The following YIPF2 variants were observed in gnomAD, a reference collection of about 807,000 sequenced individuals.
YIPF2 encodes the protein Yip1 domain family member 2, also known as protein YIPF2.
Under a neutral mutation model 38.8 loss-of-function variants are expected in YIPF2, and 30 were observed. That is an observed-to-expected ratio of 0.77 (90% CI 0.58 to 1.05). YIPF2 has a LOEUF of 1.05. Among genes scored for constraint, YIPF2 ranks in the 50% least tolerant of loss-of-function variants. YIPF2 has a pLI of 0.00. For missense variants in YIPF2, 401 were observed against 409.7 expected, an observed-to-expected ratio of 0.98 and a Z score of 0.18; for synonymous variants, 194 against 183.8, an observed-to-expected ratio of 1.06 and a Z score of -0.45.
In YIPF2 at chr19:10,925,050, G is replaced by A. The variant is rs117873976; in HGVS notation, c.367+636C>T. On this transcript the variant is annotated intron_variant, in intron 5 of 9. Coordinates refer to ENST00000586748, the MANE Select transcript of YIPF2 (RefSeq NM_001321439.2). The stretch of plus-strand genomic sequence containing the variant: ...AGTTTGAGACCAGCCTGGCTAACAC[G>A]GTGAAACTCCGTCCCTAATAAAAAT... Among the ~76,000 whole-genome samples the A allele has an allele frequency of 7.6e-4, 115 of 152,120 alleles. 2 individuals carry two copies. The East Asian group carries it at 0.02, about 27-fold the overall frequency.
intron 4 of YIPF2, among the ~76,000 whole-genome samples, chr19:10,927,296 G>A (rs1012117582): frequency 5.9e-5 from 9 of 152,154 alleles, no homozygotes; most frequent in Admixed American, 2.6e-4. Flanking sequence ...GAGCCACTGC[G>A]CCCAGTCCAT....
chr19:10,926,448 G>T (rs527817724), intron 4 of YIPF2, among the ~76,000 whole-genome samples: 1 of 149,466 alleles, frequency 6.7e-6, no homozygotes, highest in South Asian at 2.1e-4. Context: ...GGATGGTCTC[G>T]ATCTCCTGAC....
chr19:10,928,382 T>C lies in YIPF2; in HGVS notation c.29A>G (p.His10Arg). 1 of 1,335,988 alleles carries C rather than the reference T, an allele frequency of 7.5e-7. No homozygotes were observed. Among genetic ancestry groups the C allele is most frequent in the Non-Finnish European group, 9.6e-7 (1 of 1,038,654 alleles). 82.8% of individuals were successfully genotyped at this position (1,335,988 alleles called of 1,614,324 possible). A position where few individuals can be genotyped will look rare whatever the true frequency, so the allele number is the denominator to read the frequency against. MASADELTFHEFEEATNLLA... is the reference protein window; with the variant it reads MASADELTFREFEEATNLLA... Reference sequence around the variant, plus strand: ...GGCCACGTCGGGGCCGCACTCACCATGGAAGGTCAGCTCGTCGGCCGATGC... The same window carrying C: ...GGCCACGTCGGGGCCGCACTCACCACGGAAGGTCAGCTCGTCGGCCGATGC... Residue 10 changes from histidine to arginine, a missense_variant and splice_region_variant, in exon 2 of 10, where the codon CAT (histidine) becomes CGT (arginine). His to Arg is a conservative substitution (Grantham distance 29). Transcript: ENST00000586748.
At position 10,925,943 on chromosome 19, in the gene YIPF2, C is replaced by G. The variant is rs369196529; in HGVS notation, c.280-170G>C. On this transcript the variant is annotated intron_variant, in intron 4 of 9. Transcript: ENST00000586748. ...TTTTTTTTTGAGACAGAGTCTTGCTCTGTCGGCCAGGCTGGATGGAGTAGT... is the reference window on the plus strand; with the variant it reads ...TTTTTTTTTGAGACAGAGTCTTGCTGTGTCGGCCAGGCTGGATGGAGTAGT... Among the ~76,000 whole-genome samples the G allele has an allele frequency of 1.7e-3, 238 of 140,748 alleles. 5 individuals carry two copies. The South Asian group carries it at 0.051, about 30-fold the overall frequency. 92.3% of individuals were successfully genotyped at this position (140,748 alleles called of 152,430 possible). A position where few individuals can be genotyped will look rare whatever the true frequency, so the allele number is the denominator to read the frequency against.
chr19:10,927,108 G>A, intron 4 of YIPF2, among the ~76,000 whole-genome samples: 1 of 151,894 alleles, frequency 6.6e-6, no homozygotes. Context: ...CCTGACCTCA[G>A]GTGATCCACC....
At chr19:10,927,168 C>G (rs1244927308) in intron 4 of YIPF2, among the ~76,000 whole-genome samples, 1 of 152,146 alleles carries the variant, frequency 6.6e-6, no homozygotes, top group Non-Finnish European at 1.5e-5. Flanking sequence ...CCACCCCGCA[C>G]CCGGCAGTTT....
Position 10,925,884 on chromosome 19 carries a change from A to G in YIPF2, c.280-111T>C, listed in dbSNP as rs112331241. On this transcript the variant is annotated intron_variant, in intron 4 of 9. Transcript: ENST00000586748. The stretch of plus-strand genomic sequence containing the variant: ...CCTTCTCTTTCCATGCCCCACCTGA[A>G]AGAACTCAGCCTTTCCCTCTCTTTT... The G allele has an allele frequency of 3.1e-4, 303 of 982,308 alleles. 3 individuals carry two copies. The African/African-American group carries it at 4.2e-3, about 14-fold the overall frequency. The allele number at this position is 982,308 out of a possible 1,614,324, so 60.8% of individuals were successfully genotyped here.
chr19:10,924,062 G>A lies in YIPF2; in HGVS notation c.484+14C>T. On this transcript the variant is annotated intron_variant, in intron 6 of 9. Transcript: ENST00000586748. Reference sequence around the variant, plus strand: ...CAGGGCCCTGCCAGGCATTGGGCCTGCCCGTCTGCTTACCCTTGTGGAACT... The same window carrying A: ...CAGGGCCCTGCCAGGCATTGGGCCTACCCGTCTGCTTACCCTTGTGGAACT... 2 of 1,613,462 alleles carry A rather than the reference G, an allele frequency of 1.2e-6. No individual in the cohort carries two copies. The highest frequency in any genetic ancestry group is 1.7e-6 in the Non-Finnish European group (2 of 1,179,702).
Position 10,924,132 on chromosome 19 carries a change from A to C in YIPF2, c.428T>G (p.Leu143Arg). The C allele has an allele frequency of 1.9e-6, 3 of 1,613,762 alleles. No individual in the cohort carries two copies. Among genetic ancestry groups the C allele is most frequent in the Non-Finnish European group, 2.5e-6 (3 of 1,179,938 alleles). ...FVLAVTGNLT[L>R]VLAQRRDPSI... The stretch of plus-strand genomic sequence containing the variant: ...GGGGTCCCTCCTCTGGGCCAGCACC[A>C]GCGTCAGGTTGCCAGTGACGGCCAG... The change falls in exon 6 of 10, where the codon CTG (leucine) becomes CGG (arginine). Residue 143 changes from leucine to arginine, a missense_variant. Leu to Arg is a moderately radical substitution (Grantham distance 102, BLOSUM62 -2). Transcript: ENST00000586748.
chr19:10,923,630 C>T lies in YIPF2; in HGVS notation c.699G>A (p.Ala233=), dbSNP rs777236948. The T allele has an allele frequency of 1.5e-5, 24 of 1,612,508 alleles. No individual in the cohort carries two copies. In the Middle Eastern group the frequency reaches 5.0e-4, roughly 33 times the overall value. Residue 233 remains alanine (A), a synonymous_variant, in exon 8 of 10, where the codon GCG becomes GCA. Transcript: ENST00000586748. ...CGGCGGCTGACAGGCCCAGGGCCAG[C>T]GCCCCAAAGAGCCACTGCAGCCAAG... is the stretch of plus-strand genomic sequence containing the variant. The part of the protein sequence containing the change: ...PVPWLQWLFG[A]LALGLSAAGL...
At chr19:10,924,535 G>A (rs1185067567) in intron 5 of YIPF2, among the ~76,000 whole-genome samples, 1 of 152,036 alleles carries the variant, frequency 6.6e-6, no homozygotes, top group Non-Finnish European at 1.5e-5. Context: ...CCCATAGTAT[G>A]ACCTCCTTCA....
chr19:10,926,387 C>T (rs767937391), intron 4 of YIPF2, among the ~76,000 whole-genome samples: 9 of 151,974 alleles, frequency 5.9e-5, no homozygotes, highest in African/African-American at 1.9e-4. Flanking sequence ...CCACCACCCC[C>T]GGCTAATTTT....
chr19:10,926,228 CTTTTT>C (rs900323730), intron 4 of YIPF2, among the ~76,000 whole-genome samples: 2 of 135,512 alleles, frequency 1.5e-5, no homozygotes. Context: ...TTTTTTCCCT[CTTTTT>C]TTTTTTGTTT....
chr19:10,923,274 G>A lies in YIPF2; in HGVS notation c.*17C>T, dbSNP rs2074294307. The stretch of plus-strand genomic sequence containing the variant: ...GCCCAGCTGGGAATAGTCCTTACCT[G>A]TGGGACCCGGGCCTTCCTAGGAGGG... On this transcript the variant is annotated splice_region_variant and 3_prime_UTR_variant, in exon 9 of 10. Transcript: ENST00000586748. 6.2e-7 allele frequency: 1 copy of A among 1,601,214 alleles called. No homozygotes were observed. Among genetic ancestry groups the A allele is most frequent in the African/African-American group, 1.3e-5 (1 of 74,266 alleles).
chr19:10,923,011 G>A lies in YIPF2; in HGVS notation c.*183C>T, dbSNP rs187656203. On this transcript the variant is annotated 3_prime_UTR_variant, in exon 10 of 10. Transcript: ENST00000586748. ...CTCCCTGCTCGGCTGCCCCTCGCCC[G>A]CCTTTATATAAATTCTCTGAATCAC... is the stretch of plus-strand genomic sequence containing the variant. 5.7e-4 allele frequency: 179 copies of A among 314,390 alleles called. 1 individual carries two copies. In the Middle Eastern group the frequency reaches 8.1e-3, roughly 14 times the overall value. The allele number at this position is 314,390 out of a possible 1,614,324, so 19.5% of individuals were successfully genotyped here.
chr19:10,928,059 C>T, intron 2 of YIPF2, 100 bp from the exon 3 acceptor site: 2 of 1,493,876 alleles, frequency 1.3e-6, no homozygotes, highest in East Asian at 4.6e-5. Context: ...GGAGGCTCTG[C>T]TGAGCCATTG....
In YIPF2 at chr19:10,926,201, G is replaced by A. The variant is rs192004274; in HGVS notation, c.280-428C>T. On this transcript the variant is annotated intron_variant, in intron 4 of 9. Coordinates refer to ENST00000586748, the MANE Select transcript of YIPF2 (RefSeq NM_001321439.2). ...ACTGGGATTACAGGCGTGAGCCACC[G>A]TTCCCAGCCCCCTCTTTTTTTTCCC... Among the ~76,000 whole-genome samples the A allele has an allele frequency of 5.9e-3, 889 of 150,500 alleles. 11 individuals are homozygous for A. Among genetic ancestry groups the A allele is most frequent in the African/African-American group, 0.021 (844 of 40,976 alleles).
rs1258154168 is a variant in YIPF2, at chr19:10,922,726, A to T, written c.*468T>A. ...TGCAGGGACCTCTCCCTCCAAAAAAAGAAAAAAAGAAAAAGAAAGAAAAAA... is the reference window on the plus strand; with the variant it reads ...TGCAGGGACCTCTCCCTCCAAAAAATGAAAAAAAGAAAAAGAAAGAAAAAA... On this transcript the variant is annotated 3_prime_UTR_variant, in exon 10 of 10. Coordinates refer to ENST00000586748, the MANE Select transcript of YIPF2 (RefSeq NM_001321439.2). The T allele has an allele frequency of 1.3e-5, 2 of 152,440 alleles. No homozygotes were observed. The highest frequency in any genetic ancestry group is 6.5e-5 in the Admixed American group (1 of 15,284). 9.4% of individuals were successfully genotyped at this position (152,440 alleles called of 1,614,324 possible).
chr19:10,925,903 C>A, intron 4 of YIPF2, 130 bp from the exon 5 acceptor site: 27 of 635,692 alleles, frequency 4.2e-5, no homozygotes, highest in Non-Finnish European at 5.9e-5. Context: ...GCCTTTCCCT[C>A]TCTTTTTTTT....
Sources: gnomAD v4.1 joint callset for allele counts (sites outside exome capture counted in the v4.1 genomes callset) on GRCh38, gnomAD v4.1.1 for gene constraint, MANE v1.5 for transcripts, NCBI Gene and HGNC (gene_info 2026-07-23, HGNC 2026-07-21) for gene names.